FYB1: variants seen among roughly 807,000 people sequenced by gnomAD.
FYB1 encodes FYN-binding protein 1.
Under a neutral mutation model 94.1 loss-of-function variants are expected in FYB1, and 41 were observed. The ratio of observed to expected loss-of-function variants is 0.44; its 90% CI spans 0.34 to 0.57. The LOEUF (loss-of-function observed/expected upper bound fraction) is 0.57, where lower values mean the gene tolerates loss of function less well. Ranked by LOEUF, FYB1 falls within the 20% of genes least tolerant of loss-of-function variation. The pLI, the probability that FYB1 is intolerant of heterozygous loss-of-function variation, is 0.02. For synonymous variants in FYB1, 367 were observed against 353.2 expected, an observed-to-expected ratio of 1.04 and a Z score of -0.44; for missense variants, 1,050 against 976.8, an observed-to-expected ratio of 1.07 and a Z score of -1.00.
intron 11 of FYB1, among the ~76,000 whole-genome samples, chr5:39,127,205 T>C (rs1189677229): frequency 6.6e-6 from 1 of 151,528 alleles, no homozygotes; most frequent in East Asian, 1.9e-4. Context: ...AGATAATTAT[T>C]ATTAAGTTAA....
chr5:39,163,023 A>T (rs71621897), intron 2 of FYB1, among the ~76,000 whole-genome samples: 1 of 152,250 alleles, frequency 6.6e-6, no homozygotes, highest in Admixed American at 6.5e-5. Flanking sequence ...AGTTTCATAT[A>T]CAATACAAAC....
chr5:39,245,499 C>G (rs902850179), intron 1 of FYB1, among the ~76,000 whole-genome samples: 1 of 152,040 alleles, frequency 6.6e-6, no homozygotes, highest in Admixed American at 6.6e-5. Context: ...CTGACAGTCC[C>G]TGAGATTGAG....
At chr5:39,115,164 C>T (rs975641727) in intron 16 of FYB1, among the ~76,000 whole-genome samples, 3 of 150,594 alleles carry the variant, frequency 2.0e-5, no homozygotes, top group East Asian at 1.9e-4. Context: ...GGTGCAATCT[C>T]GGCTAACTGC....
intron 2 of FYB1, among the ~76,000 whole-genome samples, chr5:39,158,524 C>T (rs1291170331): frequency 7.2e-5 from 11 of 152,124 alleles, no homozygotes; most frequent in Non-Finnish European, 7.4e-5. Flanking sequence ...GAGGACCCAA[C>T]GAGGGTGGTG....
intron 1 of FYB1, among the ~76,000 whole-genome samples, chr5:39,247,622 A>T (rs1421376563): frequency 6.6e-6 from 1 of 152,134 alleles, no homozygotes. Context: ...AATATTATTT[A>T]TATTGGATAT....
At position 39,122,406 on chromosome 5, in the gene FYB1, A is replaced by T. The variant is rs1740206369; in HGVS notation, c.2072-4T>A. 6.4e-7 allele frequency: 1 copy of T among 1,553,192 alleles called. No homozygotes were observed. The highest frequency in any genetic ancestry group is 1.4e-5 in the African/African-American group (1 of 74,030). ...TCGTAAACTTCATCTCCCATGTCTA[A>T]CAAAAGACAGAATATCAAAGGTTGA... On this transcript the variant is annotated splice_region_variant and splice_polypyrimidine_tract_variant and intron_variant, in intron 13 of 18. Transcript: ENST00000512982.
At chr5:39,143,115 C>T (rs1405924967) in intron 3 of FYB1, among the ~76,000 whole-genome samples, 1 of 152,112 alleles carries the variant, frequency 6.6e-6, no homozygotes, top group Non-Finnish European at 1.5e-5. Flanking sequence ...TTGGCAAATT[C>T]CATGTTGAAA....
intron 16 of FYB1, among the ~76,000 whole-genome samples, chr5:39,116,843 CA>C (rs5867442): frequency 0.68 from 100,721 of 149,120 alleles, 33,868 homozygotes; most frequent in South Asian, 0.73. Flanking sequence ...AAAAAATAAG[CA>C]AAAAAAAAAA....
chr5:39,110,693 A>G, intron 16 of FYB1: 1 of 301,776 alleles, frequency 3.3e-6, no homozygotes, highest in South Asian at 4.1e-5. Flanking sequence ...TGTAGCACAG[A>G]GTTCAGTGTG....
chr5:39,249,019 C>T (rs1751602620), intron 1 of FYB1, among the ~76,000 whole-genome samples: 1 of 152,186 alleles, frequency 6.6e-6, no homozygotes, highest in East Asian at 1.9e-4. Context: ...TTGCACTAGC[C>T]ACAATTTAAA....
chr5:39,272,628 C>T (rs914480985), intron 1 of FYB1, among the ~76,000 whole-genome samples: 14 of 141,026 alleles, frequency 9.9e-5, no homozygotes, highest in African/African-American at 2.6e-4. Flanking sequence ...GCCGAGATTG[C>T]GCCACTGCAC....
chr5:39,210,870 T>C (rs1182575510), intron 1 of FYB1, among the ~76,000 whole-genome samples: 2 of 152,298 alleles, frequency 1.3e-5, no homozygotes, highest in East Asian at 3.9e-4. Flanking sequence ...CATATAAATA[T>C]ATATGAGTTT....
At chr5:39,231,181 C>CA (rs1750730517) in intron 1 of FYB1, among the ~76,000 whole-genome samples, 1 of 101,824 alleles carries the variant, frequency 9.8e-6, no homozygotes, top group African/African-American at 8.1e-5. Context: ...ACAAAAAAAA[C>CA]AAAACAGCTG....
intron 1 of FYB1, among the ~76,000 whole-genome samples, chr5:39,232,110 A>G (rs940723085): frequency 6.6e-6 from 1 of 152,146 alleles, no homozygotes; most frequent in African/African-American, 2.4e-5. Context: ...TGAACCAAAG[A>G]TAAGAGTGGC....
intron 1 of FYB1, among the ~76,000 whole-genome samples, chr5:39,254,856 A>G (rs1340896634): frequency 2.0e-5 from 3 of 152,208 alleles, no homozygotes; most frequent in Admixed American, 6.5e-5. Flanking sequence ...GGAAGTTTTC[A>G]TGAAAAAAGA....
chr5:39,152,015 C>T (rs1031893328), intron 3 of FYB1, among the ~76,000 whole-genome samples: 7 of 152,078 alleles, frequency 4.6e-5, no homozygotes, highest in Admixed American at 1.3e-4. Flanking sequence ...ATTTTCTAAC[C>T]CAGAGATTTC....
intron 1 of FYB1, among the ~76,000 whole-genome samples, chr5:39,237,669 A>C (rs777414576): frequency 1.3e-5 from 2 of 152,156 alleles, no homozygotes; most frequent in African/African-American, 4.8e-5. Context: ...AAAATGAGAG[A>C]TACTGATGAT....
chr5:39,218,990 C>T (rs932133408), intron 1 of FYB1, among the ~76,000 whole-genome samples: 16 of 152,142 alleles, frequency 1.1e-4, no homozygotes, highest in South Asian at 2.1e-4. Flanking sequence ...GAATCCTCAC[C>T]TCCTGCCAGG....
intron 1 of FYB1, among the ~76,000 whole-genome samples, chr5:39,240,518 C>T (rs998657844): frequency 2.0e-5 from 3 of 151,670 alleles, no homozygotes; most frequent in African/African-American, 7.3e-5. Context: ...AGGACATGAA[C>T]AGGCACTTCT....
Sources: gnomAD v4.1 joint callset for allele counts (sites outside exome capture counted in the v4.1 genomes callset) on GRCh38, gnomAD v4.1.1 for gene constraint, MANE v1.5 for transcripts, NCBI Gene and HGNC (gene_info 2026-07-23, HGNC 2026-07-21) for gene names.